ANKS1B: variants seen among roughly 807,000 people sequenced by gnomAD.
ANKS1B encodes ankyrin repeat and sterile alpha motif domain-containing protein 1B.
In ANKS1B, 36 loss-of-function variants were observed where a neutral mutation model predicts 148.3. That is an observed-to-expected ratio of 0.24 (90% CI 0.19 to 0.32). The LOEUF (loss-of-function observed/expected upper bound fraction) is 0.32, where lower values mean the gene tolerates loss of function less well. Ranked by LOEUF, ANKS1B falls within the 10% of genes least tolerant of loss-of-function variation. ANKS1B has a pLI of 1.00. For missense variants in ANKS1B, 1,157 were observed against 1,542.6 expected (o/e 0.75, Z 4.19); for synonymous variants, 542 against 560.8 (o/e 0.97, Z 0.47).
chr12:99,479,167 C>T (rs2096371705), intron 10 of ANKS1B, among the ~76,000 whole-genome samples: 2 of 152,056 alleles, frequency 1.3e-5, no homozygotes, highest in South Asian at 4.1e-4. Flanking sequence ...ATTCATATAA[C>T]CAAGTTTTTC....
At chr12:99,519,590 C>T (rs970168336) in intron 9 of ANKS1B, among the ~76,000 whole-genome samples, 1 of 151,816 alleles carries the variant, frequency 6.6e-6, no homozygotes, top group Admixed American at 6.6e-5. Flanking sequence ...TTTTTCCATC[C>T]TTTTATTTTC....
chr12:99,657,454 C>A (rs1388743096), intron 8 of ANKS1B, among the ~76,000 whole-genome samples: 1 of 151,958 alleles, frequency 6.6e-6, no homozygotes, highest in African/African-American at 2.4e-5. Flanking sequence ...CGAGTAAAGT[C>A]CTGAGAGCAT....
chr12:99,357,149 A>G (rs1166478234), intron 12 of ANKS1B, among the ~76,000 whole-genome samples: 1 of 152,074 alleles, frequency 6.6e-6, no homozygotes, highest in East Asian at 1.9e-4. Context: ...TAATAATAAA[A>G]TTGGGTTCAT....
intron 1 of ANKS1B, among the ~76,000 whole-genome samples, chr12:99,890,130 T>C (rs1348013952): frequency 6.6e-6 from 1 of 152,218 alleles, no homozygotes; most frequent in African/African-American, 2.4e-5. Flanking sequence ...CTTGGAGAGA[T>C]AATTATAATA....
At chr12:99,884,318 T>G (rs1310782463) in intron 1 of ANKS1B, among the ~76,000 whole-genome samples, 1 of 152,160 alleles carries the variant, frequency 6.6e-6, no homozygotes, top group Non-Finnish European at 1.5e-5. Flanking sequence ...GAATGTAATA[T>G]TACAGCCACT....
chr12:99,863,844 G>T (rs2090378228), intron 1 of ANKS1B, among the ~76,000 whole-genome samples: 1 of 152,066 alleles, frequency 6.6e-6, no homozygotes, highest in Admixed American at 6.5e-5. Context: ...TGCCGAGGCT[G>T]GAGGATCACA....
intron 14 of ANKS1B, among the ~76,000 whole-genome samples, chr12:99,178,555 T>G (rs1481692204): frequency 6.6e-6 from 1 of 152,228 alleles, no homozygotes; most frequent in Non-Finnish European, 1.5e-5. Context: ...GCTGAATAAA[T>G]TAAAATAATT....
chr12:99,242,160 A>G (rs2089467772), intron 14 of ANKS1B, among the ~76,000 whole-genome samples: 1 of 152,222 alleles, frequency 6.6e-6, no homozygotes, highest in Non-Finnish European at 1.5e-5. Flanking sequence ...TTTTAGCCCA[A>G]AATCTCCTTA....
intron 8 of ANKS1B, among the ~76,000 whole-genome samples, chr12:99,746,540 T>G (rs1318883761): frequency 6.6e-6 from 1 of 152,152 alleles, no homozygotes; most frequent in Non-Finnish European, 1.5e-5. Flanking sequence ...TTCATTCCCT[T>G]GCTTCTATAC....
intron 1 of ANKS1B, among the ~76,000 whole-genome samples, chr12:99,980,425 T>C (rs949977586): frequency 5.9e-5 from 9 of 152,074 alleles, no homozygotes; most frequent in Non-Finnish European, 8.8e-5. Flanking sequence ...CATTCCAGAC[T>C]TCTTAAGCAC....
intron 17 of ANKS1B, among the ~76,000 whole-genome samples, chr12:98,886,236 G>T (rs915505181): frequency 6.6e-6 from 1 of 152,096 alleles, no homozygotes; most frequent in Non-Finnish European, 1.5e-5. Context: ...AGATGAAAAA[G>T]GATATTGTGG....
intron 8 of ANKS1B, chr12:99,772,641 A>G: frequency 4.3e-6 from 1 of 231,576 alleles, no homozygotes; most frequent in Non-Finnish European, 8.3e-6. Context: ...CAGTAAAACT[A>G]AAGGAACACA....
intron 9 of ANKS1B, among the ~76,000 whole-genome samples, chr12:99,563,522 A>G (rs2097358811): frequency 6.6e-6 from 1 of 152,136 alleles, no homozygotes; most frequent in Admixed American, 6.6e-5. Context: ...CACAACACTT[A>G]CTAAGTTAAC....
intron 8 of ANKS1B, among the ~76,000 whole-genome samples, chr12:99,684,373 A>C (rs2098637786): frequency 6.6e-6 from 1 of 151,298 alleles, no homozygotes; most frequent in Non-Finnish European, 1.5e-5. Context: ...AGCTGCAAAA[A>C]AAAAAAAAAA....
chr12:99,146,618 C>T (rs1027334051), intron 15 of ANKS1B, among the ~76,000 whole-genome samples: 1 of 152,154 alleles, frequency 6.6e-6, no homozygotes, highest in Non-Finnish European at 1.5e-5. Flanking sequence ...AAGGTTGGAT[C>T]GTGCTCTGAA....
At chr12:99,420,502 T>C (rs2095049158) in intron 11 of ANKS1B, among the ~76,000 whole-genome samples, 1 of 152,196 alleles carries the variant, frequency 6.6e-6, no homozygotes, top group Non-Finnish European at 1.5e-5. Flanking sequence ...TGTGTCATAA[T>C]ATGATAGCAA....
rs1257858211 is a variant in ANKS1B at position 99,975,793 on chromosome 12, A to C, written c.134+8311T>G. Among the ~76,000 whole-genome samples the C allele has an allele frequency of 2.6e-5, 4 of 152,200 alleles. No homozygotes were observed. In the East Asian group the frequency reaches 5.8e-4, roughly 22 times the overall value. ...TCTGTCAGTGTGGAAGGTAGTACAG[A>C]GATTTCTCAAAGAACCTAAAATTGC... On this transcript the variant is annotated intron_variant, in intron 1 of 26. Coordinates refer to ENST00000683438, the MANE Select transcript of ANKS1B (RefSeq NM_001352186.2).
intron 11 of ANKS1B, among the ~76,000 whole-genome samples, chr12:99,412,302 T>C (rs912337016): frequency 1.3e-5 from 2 of 152,212 alleles, no homozygotes; most frequent in South Asian, 4.1e-4. Flanking sequence ...CCTAGGGCAC[T>C]GTCCCCACAT....
At chr12:99,233,413 A>T (rs1338934262) in intron 14 of ANKS1B, among the ~76,000 whole-genome samples, 1 of 152,130 alleles carries the variant, frequency 6.6e-6, no homozygotes, top group Non-Finnish European at 1.5e-5. Context: ...AAAACCTGTT[A>T]TCTGAAAGGA....
Sources: gnomAD v4.1 joint callset for allele counts (sites outside exome capture counted in the v4.1 genomes callset) on GRCh38, gnomAD v4.1.1 for gene constraint, MANE v1.5 for transcripts, NCBI Gene and HGNC (gene_info 2026-07-23, HGNC 2026-07-21) for gene names.